DOCK9: variants seen among roughly 807,000 people sequenced by gnomAD.
DOCK9 encodes the protein dedicator of cytokinesis protein 9.
In DOCK9, 89 loss-of-function variants were observed where a neutral mutation model predicts 263.3. That is an observed-to-expected ratio of 0.34 (90% CI 0.28 to 0.40). The LOEUF (loss-of-function observed/expected upper bound fraction) is 0.40, where lower values mean the gene tolerates loss of function less well. Among genes scored for constraint, DOCK9 ranks in the 10% least tolerant of loss-of-function variants. The pLI, the probability that DOCK9 is intolerant of heterozygous loss-of-function variation, is 1.00. For missense variants in DOCK9, 2,140 were observed against 2,603.4 expected (o/e 0.82, Z 3.87); for synonymous variants, 976 against 973.1 (o/e 1.00, Z -0.06).
At chr13:98,937,412 T>C (rs990067021) in intron 2 of DOCK9, among the ~76,000 whole-genome samples, 4 of 152,170 alleles carry the variant, frequency 2.6e-5, no homozygotes, top group African/African-American at 9.7e-5. Flanking sequence ...GGTAGATAGA[T>C]AGATAGATGA....
intron 32 of DOCK9, among the ~76,000 whole-genome samples, chr13:98,860,859 T>C (rs901674840): frequency 6.6e-6 from 1 of 152,194 alleles, no homozygotes; most frequent in African/African-American, 2.4e-5. Context: ...TTGTTTTGTT[T>C]TTTTCCTTCA....
intron 36 of DOCK9, among the ~76,000 whole-genome samples, chr13:98,849,408 T>C (rs1394038013): frequency 6.6e-6 from 1 of 150,428 alleles, no homozygotes; most frequent in Non-Finnish European, 1.5e-5. Context: ...TCAATTATTA[T>C]GAACAATAAT....
chr13:98,930,173 TAACA>T lies in DOCK9; in HGVS notation c.324_327del (p.Phe108LeufsTer15). ...AATGCAGGAAAGAGCCTTACCTCTG[TAACA>T]AACAAGCTCTGTGCTTCCTCTTCCG... On this transcript the variant is annotated frameshift_variant, in exon 3 of 53. Transcript: ENST00000682017. LOFTEE classifies it high-confidence loss of function. 1 of 1,609,264 alleles carries T rather than the reference TAACA, an allele frequency of 6.2e-7. No homozygotes were observed. Among genetic ancestry groups the T allele is most frequent in the South Asian group, 1.1e-5 (1 of 89,586 alleles).
intron 2 of DOCK9, among the ~76,000 whole-genome samples, chr13:98,949,306 A>T (rs2057112175): frequency 6.6e-6 from 1 of 152,120 alleles, no homozygotes; most frequent in Non-Finnish European, 1.5e-5. Flanking sequence ...GTGTATTTCA[A>T]GTCTTCAAAA....
intron 18 of DOCK9, among the ~76,000 whole-genome samples, chr13:98,887,338 C>T (rs529456764): frequency 7.1e-4 from 107 of 150,626 alleles, no homozygotes; most frequent in African/African-American, 2.4e-3. Flanking sequence ...GATAATAGGC[C>T]GGGTGGGGTG....
In DOCK9 at chr13:98,856,290, A is replaced by G. The variant is rs1280396522; in HGVS notation, c.3698-259T>C. The stretch of plus-strand genomic sequence containing the variant: ...CCTTTGATCGCTAAAGACTAAATGC[A>G]TACCTGTTTCAGAATGTGATAGAAT... On this transcript the variant is annotated intron_variant, in intron 33 of 52. Coordinates refer to ENST00000682017, the MANE Select transcript of DOCK9 (RefSeq NM_001366683.2). 38 of 326,872 alleles carry G rather than the reference A, an allele frequency of 1.2e-4. No homozygotes were observed. The East Asian group carries it at 2.0e-3, about 18-fold the overall frequency. The allele number at this position is 326,872 out of a possible 1,614,324, so 20.2% of individuals were successfully genotyped here. A position where few individuals can be genotyped will look rare whatever the true frequency, so the allele number is the denominator to read the frequency against.
At chr13:99,008,228 ATATATAT>A (rs1567201187) in intron 1 of DOCK9, among the ~76,000 whole-genome samples, 21 of 118,044 alleles carry the variant, frequency 1.8e-4, no homozygotes, top group Non-Finnish European at 2.9e-4. Flanking sequence ...ATATATATAT[ATATATAT>A]TTTTTTTTTT....
At chr13:99,073,600 C>T (rs2041787018) in intron 1 of DOCK9, among the ~76,000 whole-genome samples, 1 of 152,104 alleles carries the variant, frequency 6.6e-6, no homozygotes, top group Admixed American at 6.5e-5. Context: ...CCCTTTAAGG[C>T]TAGGGGGTTG....
chr13:98,860,769 C>T lies in DOCK9; in HGVS notation c.3580-247G>A, dbSNP rs184217059. On this transcript the variant is annotated intron_variant, in intron 32 of 52. Transcript: ENST00000682017. Reference sequence around the variant, plus strand: ...GGAGAGAAATCACGTTCCATAAAGTCTTGTTTCTCTTTCCCCAGCGTTGCT... The same window carrying T: ...GGAGAGAAATCACGTTCCATAAAGTTTTGTTTCTCTTTCCCCAGCGTTGCT... Among the ~76,000 whole-genome samples the T allele has an allele frequency of 1.8e-4, 28 of 152,200 alleles. 1 individual carries two copies. In the East Asian group the frequency reaches 4.7e-3, roughly 25 times the overall value.
chr13:98,898,365 C>T (rs1415609098), intron 13 of DOCK9, 104 bp from the exon 14 acceptor site: 2 of 776,590 alleles, frequency 2.6e-6, no homozygotes, highest in Admixed American at 2.2e-5. Flanking sequence ...CTTACCATAG[C>T]ATTGGATGCA....
intron 7 of DOCK9, among the ~76,000 whole-genome samples, chr13:98,919,131 A>G (rs1450680207): frequency 6.9e-6 from 1 of 144,330 alleles, no homozygotes; most frequent in Non-Finnish European, 1.5e-5. Context: ...TTTTTTTGAG[A>G]TGGAGTCTCG....
intron 1 of DOCK9, among the ~76,000 whole-genome samples, chr13:98,984,351 T>C (rs1244523451): frequency 6.6e-6 from 1 of 152,234 alleles, no homozygotes; most frequent in Non-Finnish European, 1.5e-5. Flanking sequence ...TACTCATTTG[T>C]TGACACAAGT....
At chr13:99,003,411 G>C (rs944303225) in intron 1 of DOCK9, among the ~76,000 whole-genome samples, 3 of 152,164 alleles carry the variant, frequency 2.0e-5, no homozygotes, top group Non-Finnish European at 4.4e-5. Flanking sequence ...ACGCTCACCA[G>C]GAGATCTCAT....
intron 1 of DOCK9, among the ~76,000 whole-genome samples, chr13:99,032,880 A>C (rs1181993419): frequency 6.6e-6 from 1 of 152,180 alleles, no homozygotes; most frequent in Non-Finnish European, 1.5e-5. Flanking sequence ...AATTAACAGA[A>C]ATCAGGAGTA....
At chr13:99,017,021 C>T (rs1885501600) in intron 1 of DOCK9, among the ~76,000 whole-genome samples, 1 of 152,052 alleles carries the variant, frequency 6.6e-6, no homozygotes, top group Admixed American at 6.6e-5. Context: ...CACAGAAAAC[C>T]AAAAATCTAG....
chr13:98,807,891 G>A, intron 47 of DOCK9, 84 bp from the exon 48 acceptor site: 4 of 1,157,310 alleles, frequency 3.5e-6, no homozygotes, highest in Admixed American at 3.0e-5. Context: ...ATTACAAGGG[G>A]GAAAAAAAGG....
intron 1 of DOCK9, among the ~76,000 whole-genome samples, chr13:99,025,996 G>A (rs1886656332): frequency 7.7e-6 from 1 of 129,736 alleles, no homozygotes; most frequent in South Asian, 2.6e-4. Context: ...AATATCTAGA[G>A]ACAGAAAGCA....
At position 98,809,071 on chromosome 13, in the gene DOCK9, C is replaced by G. The variant is rs1016270239; in HGVS notation, c.5367+281G>C. ...ACTTGAAAAGCAAACTTGCAAACCA[C>G]ACTGAAGTACCAAAGATGTTGCTAA... On this transcript the variant is annotated intron_variant, in intron 47 of 52. Transcript: ENST00000682017. The G allele has an allele frequency of 5.2e-6, 8 of 1,529,670 alleles. No homozygotes were observed. The African/African-American group carries it at 9.8e-5, about 19-fold the overall frequency. 94.8% of individuals were successfully genotyped at this position (1,529,670 alleles called of 1,614,324 possible).
chr13:98,904,819 G>T, intron 9 of DOCK9, 113 bp from the exon 10 acceptor site: 2 of 892,252 alleles, frequency 2.2e-6, no homozygotes, highest in Non-Finnish European at 3.4e-6. Flanking sequence ...GGAAAGCTCT[G>T]CCTCGTGTTG....
Sources: gnomAD v4.1 joint callset for allele counts (sites outside exome capture counted in the v4.1 genomes callset) on GRCh38, gnomAD v4.1.1 for gene constraint, MANE v1.5 for transcripts, NCBI Gene and HGNC (gene_info 2026-07-23, HGNC 2026-07-21) for gene names.